Variants in SPON1 observed in about 807,000 individuals in gnomAD.
SPON1 encodes the protein spondin-1.
SPON1 carries 52 observed loss-of-function variants against 111.7 expected under a neutral mutation model. That is an observed-to-expected ratio of 0.47 (90% CI 0.37 to 0.59). SPON1 has a LOEUF of 0.59. Ranked by LOEUF, SPON1 falls within the 20% of genes least tolerant of loss-of-function variation. The probability of loss-of-function intolerance (pLI) is 0.00; values close to 1 mark genes in which losing one functional copy is unlikely to be tolerated. For synonymous variants in SPON1, 410 were observed against 395.8 expected (o/e 1.04, Z -0.43); for missense variants, 957 against 1,068.5 (o/e 0.90, Z 1.46).
chr11:14,148,017 A>G (rs1554929531), intron 6 of SPON1, among the ~76,000 whole-genome samples: 2 of 152,192 alleles, frequency 1.3e-5, no homozygotes, highest in Non-Finnish European at 2.9e-5. Context: ...TCAGAGGTGT[A>G]GGGAAACACC....
chr11:14,245,724 C>G (rs782135780), intron 7 of SPON1, among the ~76,000 whole-genome samples: 1 of 152,178 alleles, frequency 6.6e-6, no homozygotes, highest in Non-Finnish European at 1.5e-5. Flanking sequence ...GAGGCCTTTT[C>G]TAGCCTGCTG....
chr11:14,243,420 T>C (rs782455533), intron 7 of SPON1, 24 bp downstream of exon 7: 1 of 1,556,710 alleles, frequency 6.4e-7, no homozygotes. Flanking sequence ...GTCCCTTGCC[T>C]GGCCTGTCTT....
At chr11:13,966,701 A>G (rs1554908054) in intron 1 of SPON1, among the ~76,000 whole-genome samples, 2 of 152,192 alleles carry the variant, frequency 1.3e-5, no homozygotes, top group East Asian at 1.9e-4. Context: ...CACTGACCAC[A>G]GGGGTGGACA....
rs114112100 is a variant in SPON1, at chr11:14,119,731, T to G, written c.677-15689T>G. Among the ~76,000 whole-genome samples, 184 of 152,244 alleles carry G rather than the reference T, an allele frequency of 1.2e-3. 1 individual carries two copies. Among genetic ancestry groups the G allele is most frequent in the African/African-American group, 4.2e-3 (175 of 41,558 alleles). The stretch of plus-strand genomic sequence containing the variant: ...CTACTTGCCACATGTGATACACAAT[T>G]GTGAGAGTCCCCCGTCGTCAGTAGA... On this transcript the variant is annotated intron_variant, in intron 5 of 15. Transcript: ENST00000576479.
chr11:13,971,450 T>G (rs1848062552), intron 1 of SPON1, among the ~76,000 whole-genome samples: 1 of 152,182 alleles, frequency 6.6e-6, no homozygotes, highest in Non-Finnish European at 1.5e-5. Flanking sequence ...TGACATTCCC[T>G]AGAACCAGCA....
At chr11:14,150,555 C>T (rs184402359) in intron 6 of SPON1, among the ~76,000 whole-genome samples, 24 of 152,194 alleles carry the variant, frequency 1.6e-4, no homozygotes, top group African/African-American at 5.8e-4. Flanking sequence ...CAAAATATCA[C>T]ACTATACCCT....
chr11:14,092,788 T>C (rs6486167), intron 5 of SPON1, among the ~76,000 whole-genome samples: 21,733 of 152,156 alleles, frequency 0.14, 2,034 homozygotes, highest in African/African-American at 0.25. Context: ...TAACTTATCA[T>C]GTAAGTTTTA....
chr11:14,046,424 A>G (rs1554917839), intron 3 of SPON1, among the ~76,000 whole-genome samples: 3 of 152,220 alleles, frequency 2.0e-5, no homozygotes, highest in East Asian at 1.9e-4. Context: ...GATATCCACC[A>G]TAGATGGGAA....
intron 5 of SPON1, among the ~76,000 whole-genome samples, 197 bp downstream of exon 5, chr11:14,080,218 A>G (rs927249968): frequency 1.3e-5 from 2 of 149,804 alleles, no homozygotes. Context: ...TTTGCATAGC[A>G]TTGTGCTATT....
At chr11:14,130,823 T>C (rs544869256) in intron 5 of SPON1, among the ~76,000 whole-genome samples, 2 of 151,734 alleles carry the variant, frequency 1.3e-5, no homozygotes, top group Non-Finnish European at 2.9e-5. Context: ...CCTAATTATA[T>C]ATTATTTTCA....
intron 5 of SPON1, among the ~76,000 whole-genome samples, chr11:14,081,337 AC>A (rs1554922031): frequency 6.6e-6 from 1 of 152,204 alleles, no homozygotes. Context: ...ACAGACACTA[AC>A]CAAATAGTCA....
intron 3 of SPON1, among the ~76,000 whole-genome samples, chr11:14,060,067 T>A (rs1342573683): frequency 6.6e-6 from 1 of 152,112 alleles, no homozygotes; most frequent in African/African-American, 2.4e-5. Context: ...TTTTTAAAAG[T>A]AATTTAGGGT....
At chr11:14,140,118 T>C (rs1197790719) in intron 6 of SPON1, among the ~76,000 whole-genome samples, 4 of 152,164 alleles carry the variant, frequency 2.6e-5, no homozygotes, top group Non-Finnish European at 5.9e-5. Flanking sequence ...TGTGCATCCA[T>C]TGGGGAAATG....
intron 5 of SPON1, among the ~76,000 whole-genome samples, chr11:14,104,345 C>T (rs1013447874): frequency 1.3e-5 from 2 of 149,162 alleles, no homozygotes; most frequent in Non-Finnish European, 3.0e-5. Context: ...GTTTTTTTTT[C>T]CCCTAGATGT....
chr11:14,113,568 A>ATTTTTTTTTTTTTTTTTTTTTTTT (rs782780924), intron 5 of SPON1, among the ~76,000 whole-genome samples: 1 of 74,762 alleles, frequency 1.3e-5, no homozygotes, highest in South Asian at 4.5e-4. Context: ...TACTTTTTAA[A>ATTTTTTTTTTTTTTTTTTTTTTTT]TTTTTTTTTT....
chr11:14,075,002 A>G (rs1331035696), intron 3 of SPON1, among the ~76,000 whole-genome samples: 1 of 152,234 alleles, frequency 6.6e-6, no homozygotes, highest in Non-Finnish European at 1.5e-5. Context: ...GTTTAACATG[A>G]AAAGTAGAGT....
At chr11:14,002,118 A>T (rs1350242431) in intron 2 of SPON1, among the ~76,000 whole-genome samples, 1 of 152,240 alleles carries the variant, frequency 6.6e-6, no homozygotes, top group East Asian at 1.9e-4. Flanking sequence ...AACAAGAAGG[A>T]AAGTGAGAGT....
intron 6 of SPON1, among the ~76,000 whole-genome samples, chr11:14,171,315 G>T (rs1459226188): frequency 9.8e-5 from 15 of 152,302 alleles, no homozygotes; most frequent in African/African-American, 3.4e-4. Context: ...ATGGTAGTTT[G>T]TATTTCTGTG....
intron 6 of SPON1, among the ~76,000 whole-genome samples, chr11:14,165,227 GTTA>G (rs1848014535): frequency 1.0e-5 from 1 of 98,856 alleles, no homozygotes; most frequent in Non-Finnish European, 2.2e-5. Flanking sequence ...GATGGAGTTA[GTTA>G]AGTTAGATCT....
Sources: gnomAD v4.1 joint callset for allele counts (sites outside exome capture counted in the v4.1 genomes callset) on GRCh38, gnomAD v4.1.1 for gene constraint, MANE v1.5 for transcripts, NCBI Gene and HGNC (gene_info 2026-07-23, HGNC 2026-07-21) for gene names.